The following SLC19A2 variants were observed in gnomAD, a reference collection of about 807,000 sequenced individuals.
SLC19A2 encodes solute carrier family 19 member 2.
In SLC19A2, 27 loss-of-function variants were observed where a neutral mutation model predicts 44.7. The ratio of observed to expected loss-of-function variants is 0.60; its 90% CI spans 0.45 to 0.83. The LOEUF (loss-of-function observed/expected upper bound fraction) is 0.83. Ranked by LOEUF, SLC19A2 falls within the 40% of genes least tolerant of loss-of-function variation. SLC19A2 has a pLI of 0.00. For synonymous variants in SLC19A2, 239 were observed against 243.6 expected (o/e 0.98, Z 0.18); for missense variants, 566 against 613.7 (o/e 0.92, Z 0.82).
intron 1 of SLC19A2, among the ~76,000 whole-genome samples, chr1:169,479,966 C>T (rs1477873667): frequency 6.6e-6 from 1 of 152,116 alleles, no homozygotes; most frequent in Non-Finnish European, 1.5e-5. Flanking sequence ...AAACATAATC[C>T]CTGTTTTCTG....
Position 169,468,227 on chromosome 1 carries a change from T to G in SLC19A2, c.1249A>C (p.Met417Leu). The change falls in exon 5 of 6, where the codon ATG becomes CTG. Residue 417 changes from methionine (M) to leucine (L), a missense_variant. By Grantham distance (15) the Met-to-Leu change is conservative. Transcript: ENST00000236137. ...CCAAATACTAGGGCATAGCGTTCCA[T>G]GCTGAGGTTTGCAGCAATTTGAAAA... ...ATFQIAANLS[M>L]ERYALVFGVN... The G allele has an allele frequency of 2.5e-6, 4 of 1,613,804 alleles. No homozygotes were observed. In the South Asian group the frequency reaches 3.3e-5, roughly 13 times the overall value.
chr1:169,474,944 C>T (rs1422636153), intron 2 of SLC19A2, among the ~76,000 whole-genome samples: 3 of 151,988 alleles, frequency 2.0e-5, no homozygotes, highest in Non-Finnish European at 4.4e-5. Context: ...AAGACTTCAC[C>T]GAGAAAGGTT....
rs1658096599 is a variant in SLC19A2 at position 169,468,789 on chromosome 1, T to G, written c.1078A>C (p.Thr360Pro). 6.2e-7 allele frequency: 1 copy of G among 1,613,790 alleles called. No individual in the cohort carries two copies. The highest frequency in any genetic ancestry group is 8.5e-7 in the Non-Finnish European group (1 of 1,179,910). Residue 360 changes from threonine (T) to proline (P), a missense_variant, in exon 4 of 6, where the codon ACT (threonine) becomes CCT (proline). By Grantham distance (38) the Thr-to-Pro change is conservative. Coordinates refer to ENST00000236137, the MANE Select transcript of SLC19A2 (RefSeq NM_006996.3). Reference protein sequence around the residue: ...AVGYIKISWSTWGEMTLSLFS... With the variant: ...AVGYIKISWSPWGEMTLSLFS... Reference sequence around the variant, plus strand: ...AGAGATAATGTCATTTCTCCCCAAGTTGACCAGGATATTTTTATATAACCA... The same window carrying G: ...AGAGATAATGTCATTTCTCCCCAAGGTGACCAGGATATTTTTATATAACCA...
At chr1:169,476,426 G>C (rs1421060054) in intron 2 of SLC19A2, among the ~76,000 whole-genome samples, 1 of 152,066 alleles carries the variant, frequency 6.6e-6, no homozygotes, top group Non-Finnish European at 1.5e-5. Flanking sequence ...CTTAAATACT[G>C]TGGGCTTCAT....
In SLC19A2 at chr1:169,477,671, A is replaced by G; in HGVS notation, c.291T>C (p.Tyr97=). The change falls in exon 2 of 6, where the codon TAT becomes TAC. Residue 97 remains tyrosine, a synonymous_variant. Coordinates refer to ENST00000236137, the MANE Select transcript of SLC19A2 (RefSeq NM_006996.3). ...PVFLATDYLR[Y]KPVVLLQGLS... is the part of the protein sequence containing the mutation. ...GCCCCTGCAGTAGAACAACAGGTTT[A>G]TAACGGAGGTAGTCTGTGGCAAGGA... 1 of 1,614,114 alleles carries G rather than the reference A, an allele frequency of 6.2e-7. No homozygotes were observed.
Position 169,485,781 on chromosome 1 carries a change from G to A in SLC19A2, c.-15C>T. On this transcript the variant is annotated 5_prime_UTR_variant, in exon 1 of 6. Transcript: ENST00000236137. ...GGCACATCCATCCGGGGCGCGAGGG[G>A]AGGGGACCCGGCCCGGCCCCTTCCT... is the stretch of plus-strand genomic sequence containing the variant. 1.3e-6 allele frequency: 2 copies of A among 1,524,264 alleles called. No individual in the cohort carries two copies. The highest frequency in any genetic ancestry group is 1.8e-6 in the Non-Finnish European group (2 of 1,141,686). The allele number at this position is 1,524,264 out of a possible 1,614,324, so 94.4% of individuals were successfully genotyped here.
intron 2 of SLC19A2, among the ~76,000 whole-genome samples, chr1:169,471,688 G>GTA (rs1553212210): frequency 2.1e-5 from 3 of 145,638 alleles, no homozygotes; most frequent in Non-Finnish European, 4.5e-5. Context: ...GTGTGTGTGT[G>GTA]TGTGTGTGTG....
At chr1:169,472,511 C>T (rs1658210421) in intron 2 of SLC19A2, among the ~76,000 whole-genome samples, 1 of 152,050 alleles carries the variant, frequency 6.6e-6, no homozygotes. Flanking sequence ...AAAGATTATA[C>T]AGAGTTACAC....
At chr1:169,472,913 G>A (rs914282768) in intron 2 of SLC19A2, among the ~76,000 whole-genome samples, 6 of 152,118 alleles carry the variant, frequency 3.9e-5, no homozygotes, top group African/African-American at 1.4e-4. Context: ...TCAAAACTCT[G>A]AGCTGCTCAT....
chr1:169,469,151 G>T (rs1658108751), intron 3 of SLC19A2: 1 of 350,064 alleles, frequency 2.9e-6, no homozygotes, highest in Admixed American at 4.7e-5. Flanking sequence ...AAGAACCATA[G>T]CTTCTAATTT....
At chr1:169,482,890 T>C (rs1162591094) in intron 1 of SLC19A2, among the ~76,000 whole-genome samples, 1 of 152,116 alleles carries the variant, frequency 6.6e-6, no homozygotes, top group African/African-American at 2.4e-5. Flanking sequence ...CCAAACTTCG[T>C]GAGGCTCTGA....
chr1:169,465,907 A>AT lies in SLC19A2; in HGVS notation c.1435dup (p.Met479AsnfsTer5). The AT allele has an allele frequency of 6.2e-7, 1 of 1,614,152 alleles. No individual in the cohort carries two copies. Among genetic ancestry groups the AT allele is most frequent in the Non-Finnish European group, 8.5e-7 (1 of 1,179,984 alleles). On this transcript the variant is annotated frameshift_variant, in exon 6 of 6. Transcript: ENST00000236137. LOFTEE classifies it high-confidence loss of function. The stretch of plus-strand genomic sequence containing the variant: ...ATCTTCCAGCTTTCTACATTTCTTC[A>AT]TAACACTGACTGCACCACTGGCCAG...
chr1:169,465,978 C>G lies in SLC19A2; in HGVS notation c.1366-1G>C. ...CAAAATAACTGGCATAGATCAAAAA[C>G]TAGAAGGGGGAAAAGCAGTTTATTG... On this transcript the variant is annotated splice_acceptor_variant, in intron 5 of 5. Coordinates refer to ENST00000236137, the MANE Select transcript of SLC19A2 (RefSeq NM_006996.3). LOFTEE classifies it high-confidence loss of function. The G allele has an allele frequency of 6.2e-7, 1 of 1,613,954 alleles. No individual in the cohort carries two copies. Among genetic ancestry groups the G allele is most frequent in the South Asian group, 1.1e-5 (1 of 91,060 alleles).
At chr1:169,476,547 C>CTACTAAAAA (rs1658318042) in intron 2 of SLC19A2, among the ~76,000 whole-genome samples, 6 of 151,944 alleles carry the variant, frequency 3.9e-5, no homozygotes, top group African/African-American at 1.5e-4. Context: ...GATGAAACCC[C>CTACTAAAAA]GTCTCTACTA....
intron 1 of SLC19A2, among the ~76,000 whole-genome samples, chr1:169,480,335 G>A (rs555574597): frequency 3.3e-5 from 5 of 151,114 alleles, no homozygotes; most frequent in East Asian, 1.9e-4. Flanking sequence ...TTTTTGAGAC[G>A]GAGTTTCACT....
intron 2 of SLC19A2, among the ~76,000 whole-genome samples, chr1:169,474,340 A>G (rs1027040436): frequency 3.9e-5 from 6 of 152,228 alleles, no homozygotes; most frequent in African/African-American, 1.4e-4. Flanking sequence ...TTTACTAGGT[A>G]TTAATTACAT....
chr1:169,483,681 C>T (rs906310739), intron 1 of SLC19A2, among the ~76,000 whole-genome samples: 3 of 152,222 alleles, frequency 2.0e-5, no homozygotes, highest in South Asian at 2.1e-4. Flanking sequence ...CTTGGTAGCA[C>T]GTCACACAGC....
At chr1:169,485,270 T>A (rs1281633855) in intron 1 of SLC19A2, among the ~76,000 whole-genome samples, 1 of 152,206 alleles carries the variant, frequency 6.6e-6, no homozygotes, top group South Asian at 2.1e-4. Context: ...GCTGGACCAG[T>A]CTGGGCAGTC....
At chr1:169,485,508 C>T in intron 1 of SLC19A2, 55 bp downstream of exon 1, 1 of 1,536,998 alleles carries the variant, frequency 6.5e-7, no homozygotes, top group South Asian at 1.2e-5. Context: ...TCCTCCGCTG[C>T]CCACCCGCAG....
Sources: allele counts gnomAD v4.1 joint callset (sites outside exome capture counted in the v4.1 genomes callset), GRCh38; gene constraint gnomAD v4.1.1; transcripts MANE v1.5; gene names NCBI Gene and HGNC (gene_info 2026-07-23, HGNC 2026-07-21).